The following COMMD5 variants were observed in gnomAD, a reference collection of about 807,000 sequenced individuals.
COMMD5 encodes the protein COMM domain containing 5, also known as COMM domain-containing protein 5.
Under a neutral mutation model 6.9 loss-of-function variants are expected in COMMD5, and 10 were observed. The observed-to-expected ratio is 1.44, with a 90% CI of 0.89 to 2.45. The LOEUF (loss-of-function observed/expected upper bound fraction) is 2.45. COMMD5 is among the 30% of genes most tolerant of loss of function. The probability of loss-of-function intolerance (pLI) is 0.00; values close to 1 mark genes in which losing one functional copy is unlikely to be tolerated. For synonymous variants in COMMD5, 127 were observed against 125.3 expected, an observed-to-expected ratio of 1.01 and a Z score of -0.09; for missense variants, 234 against 287.8, an observed-to-expected ratio of 0.81 and a Z score of 1.35.
At chr8:144,843,268 G>A in intron 1 of COMMD5, 1 of 1,377,114 alleles carries the variant, frequency 7.3e-7, no homozygotes, top group South Asian at 1.5e-5. Context: ...GTAGAATGTT[G>A]GTAAAGGTTC....
chr8:144,842,043 A>G, intron 1 of COMMD5: 2 of 1,614,074 alleles, frequency 1.2e-6, no homozygotes, highest in Non-Finnish European at 1.7e-6. Context: ...AGGAATGTGG[A>G]AAAGCTTTTG....
chr8:144,843,171 C>CACTT, intron 1 of COMMD5: 2 of 1,566,636 alleles, frequency 1.3e-6, no homozygotes, highest in Non-Finnish European at 1.7e-6. Context: ...TGGGATAGAC[C>CACTT]ACTTACATAT....
chr8:144,851,223 A>G lies in COMMD5; in HGVS notation c.116T>C (p.Leu39Pro), dbSNP rs760563854. ...LPPEVAAMAR[L>P]LGDLDRSTFR... Reference sequence around the variant, plus strand: ...CGTGCTCCTGTCTAGGTCCCCTAGTAGCCGGGCCATTGCTGCCACCTCTGG... The same window carrying G: ...CGTGCTCCTGTCTAGGTCCCCTAGTGGCCGGGCCATTGCTGCCACCTCTGG... The change falls in exon 2 of 2, where the codon CTA becomes CCA. Residue 39 changes from leucine to proline, a missense_variant. Coordinates refer to ENST00000305103, the MANE Select transcript of COMMD5 (RefSeq NM_014066.4). 5 of 1,614,022 alleles carry G rather than the reference A, an allele frequency of 3.1e-6. No individual in the cohort carries two copies. The East Asian group carries it at 1.1e-4, about 36-fold the overall frequency.
downstream of COMMD5, among the ~76,000 whole-genome samples, chr8:144,845,636 G>A (rs192861516): frequency 1.3e-5 from 2 of 152,244 alleles, no homozygotes; most frequent in African/African-American, 4.8e-5. Flanking sequence ...ACAGGCATGA[G>A]GCCAACTGTA....
chr8:144,846,534 A>C, downstream of COMMD5: 2 of 206,496 alleles, frequency 9.7e-6, no homozygotes, highest in Non-Finnish European at 2.0e-5. Context: ...AAATGACTTC[A>C]TGCCCTCCAG....
chr8:144,845,769 C>G (rs1287730909), downstream of COMMD5, among the ~76,000 whole-genome samples: 1 of 152,208 alleles, frequency 6.6e-6, no homozygotes, highest in East Asian at 1.9e-4. Flanking sequence ...GTGCTCTCCA[C>G]AGCCATGGAG....
intron 1 of COMMD5, chr8:144,842,736 T>G: frequency 6.2e-7 from 1 of 1,614,034 alleles, no homozygotes; most frequent in Non-Finnish European, 8.5e-7. Context: ...TTACAATACA[T>G]CAAAGGGTTC....
intron 1 of COMMD5, among the ~76,000 whole-genome samples, chr8:144,844,571 G>A (rs890010262): frequency 1.1e-4 from 16 of 152,082 alleles, no homozygotes; most frequent in African/African-American, 2.2e-4. Context: ...TTAGCCGGGC[G>A]TGGTGGCGGG....
At chr8:144,845,980 C>G, downstream of COMMD5, 1 of 1,536,458 alleles carries the variant, frequency 6.5e-7, no homozygotes, top group Non-Finnish European at 8.7e-7. Flanking sequence ...CTACTTCAGG[C>G]TTTCTGGGCC....
chr8:144,842,904 C>T (rs1004969475), intron 1 of COMMD5: 1 of 1,614,156 alleles, frequency 6.2e-7, no homozygotes, highest in Non-Finnish European at 8.5e-7. Context: ...TTATTGAACA[C>T]CAGAGAATAC....
chr8:144,838,061 CCT>C (rs1491047291), downstream of COMMD5: 1 of 702,908 alleles, frequency 1.4e-6, no homozygotes, highest in South Asian at 1.5e-5. Context: ...GCCGTGCCCC[CCT>C]GTGAAGGCTT....
At position 144,851,378 on chromosome 8, in the gene COMMD5, G is replaced by A. The variant is rs370478945; in HGVS notation, c.-40C>T. The A allele has an allele frequency of 7.6e-6, 12 of 1,569,634 alleles. No homozygotes were observed. The highest frequency in any genetic ancestry group is 6.8e-5 in the African/African-American group (5 of 73,990). ...CTTTGATCAGCCAGCCCAGGAGGTC[G>A]GTCCCAGATGCAGATGCCTAGAGTG... On this transcript the variant is annotated 5_prime_UTR_variant, in exon 2 of 2. Coordinates refer to ENST00000305103, the MANE Select transcript of COMMD5 (RefSeq NM_014066.4).
exon 2 of COMMD5, chr8:144,841,579 G>A: frequency 6.2e-7 from 1 of 1,614,180 alleles, no homozygotes; most frequent in Non-Finnish European, 8.5e-7. Flanking sequence ...TGAGGAGACT[G>A]TGGTTCCCAA....
chr8:144,851,376 T>C lies in COMMD5; in HGVS notation c.-38A>G. On this transcript the variant is annotated 5_prime_UTR_variant, in exon 2 of 2. Coordinates refer to ENST00000305103, the MANE Select transcript of COMMD5 (RefSeq NM_014066.4). Reference sequence around the variant, plus strand: ...CTCTTTGATCAGCCAGCCCAGGAGGTCGGTCCCAGATGCAGATGCCTAGAG... The same window carrying C: ...CTCTTTGATCAGCCAGCCCAGGAGGCCGGTCCCAGATGCAGATGCCTAGAG... 1 of 1,573,340 alleles carries C rather than the reference T, an allele frequency of 6.4e-7. No homozygotes were observed. The highest frequency in any genetic ancestry group is 2.3e-5 in the East Asian group (1 of 44,434).
Position 144,850,410 on chromosome 8 carries a change from C to G in COMMD5, c.*254G>C. On this transcript the variant is annotated 3_prime_UTR_variant, in exon 2 of 2. Coordinates refer to ENST00000305103, the MANE Select transcript of COMMD5 (RefSeq NM_014066.4). This position sits in a 1 kb window ranked among gnomAD's most constrained non-coding sequence, Gnocchi z 4.0. ...ACGTCCAGCACCAAAGACAAATGTA[C>G]AGGGAAGGGGAGGGTGTGAGGTCCA... 1 of 454,392 alleles carries G rather than the reference C, an allele frequency of 2.2e-6. No individual in the cohort carries two copies. Among genetic ancestry groups the G allele is most frequent in the Non-Finnish European group, 3.9e-6 (1 of 255,122 alleles). 28.1% of individuals were successfully genotyped at this position (454,392 alleles called of 1,614,324 possible).
downstream of COMMD5, chr8:144,838,055 T>TG (rs1563834145): frequency 1.4e-6 from 1 of 693,682 alleles, no homozygotes; most frequent in Admixed American, 2.0e-5. Context: ...AGCAGGGCCG[T>TG]GCCCCCCTGT....
chr8:144,848,154 T>C (rs1408042736), downstream of COMMD5, among the ~76,000 whole-genome samples: 1 of 152,150 alleles, frequency 6.6e-6, no homozygotes, highest in Non-Finnish European at 1.5e-5. Context: ...AAGACCAGCC[T>C]GGGCAACGTG....
At chr8:144,845,906 A>C, downstream of COMMD5, 1 of 1,443,196 alleles carries the variant, frequency 6.9e-7, no homozygotes, top group South Asian at 1.3e-5. Flanking sequence ...GGGTCTTGGC[A>C]GGTAATGTGC....
chr8:144,846,100 C>G (rs924790576), downstream of COMMD5: 2 of 1,536,048 alleles, frequency 1.3e-6, no homozygotes, highest in South Asian at 1.2e-5. Context: ...CTCCTGGGCT[C>G]TCGTCATCTC....
Sources: allele counts gnomAD v4.1 joint callset (sites outside exome capture counted in the v4.1 genomes callset), GRCh38; gene constraint gnomAD v4.1.1; non-coding constraint Gnocchi (gnomAD v3.1); transcripts MANE v1.5; gene names NCBI Gene and HGNC (gene_info 2026-07-23, HGNC 2026-07-21).